The following CSMD1 variants were observed in gnomAD, a reference collection of about 807,000 sequenced individuals.
The protein encoded by CSMD1 is CUB and Sushi multiple domains 1.
CSMD1 carries 213 observed loss-of-function variants against 417.5 expected under a neutral mutation model. That is an observed-to-expected ratio of 0.51 (90% confidence interval 0.46 to 0.57). The LOEUF (loss-of-function observed/expected upper bound fraction) is 0.57. Ranked by LOEUF, CSMD1 falls within the 20% of genes least tolerant of loss-of-function variation. The pLI, the probability that CSMD1 is intolerant of heterozygous loss-of-function variation, is 0.00. For synonymous variants in CSMD1, 2,862 were observed against 1,736.8 expected (o/e 1.65, Z -16.11); for missense variants, 6,923 against 4,529.7 (o/e 1.53, Z -15.17).
intron 5 of CSMD1, among the ~76,000 whole-genome samples, chr8:3,926,053 T>TACACACACACACACACAAACACAATACAC (rs1563218050): frequency 1.1e-5 from 1 of 87,820 alleles, no homozygotes; most frequent in East Asian, 6.1e-4. Context: ...AAACACCATA[T>TACACACACACACACACAAACACAATACAC]ACACACACAC....
intron 23 of CSMD1, among the ~76,000 whole-genome samples, chr8:3,322,597 T>A (rs1275227641): frequency 6.6e-6 from 1 of 152,192 alleles, no homozygotes; most frequent in Non-Finnish European, 1.5e-5. Context: ...CCAGAATGTA[T>A]AATGCACCAG....
chr8:4,971,134 C>G (rs1362250895), intron 1 of CSMD1, among the ~76,000 whole-genome samples: 3 of 151,744 alleles, frequency 2.0e-5, no homozygotes, highest in African/African-American at 7.3e-5. Context: ...CAATCTGAAC[C>G]CTGGGGTCCC....
intron 3 of CSMD1, among the ~76,000 whole-genome samples, chr8:4,398,416 A>G (rs1370518674): frequency 4.7e-5 from 5 of 107,222 alleles, no homozygotes; most frequent in African/African-American, 1.1e-4. Context: ...TTTGTGAGAT[A>G]GAGTCTCACT....
chr8:4,517,405 G>T lies in CSMD1; in HGVS notation c.303-97340C>A, dbSNP rs572598428. On this transcript the variant is annotated intron_variant, in intron 2 of 69. Coordinates refer to ENST00000635120, the MANE Select transcript of CSMD1 (RefSeq NM_033225.6). ...AATCTCCCAGACCACTGGCTTCCTC[G>T]CCTATAACACGCAGATAATAAAGAA... is the stretch of plus-strand genomic sequence containing the variant. Among the ~76,000 whole-genome samples the T allele has an allele frequency of 1.2e-4, 18 of 152,186 alleles. No individual in the cohort carries two copies. In the South Asian group the frequency reaches 3.3e-3, roughly 28 times the overall value.
At chr8:3,675,806 T>G (rs553070734) in intron 7 of CSMD1, among the ~76,000 whole-genome samples, 1 of 152,336 alleles carries the variant, frequency 6.6e-6, no homozygotes, top group Non-Finnish European at 1.5e-5. Context: ...GATATTTTGT[T>G]ATAGCAGCCA....
chr8:3,139,264 A>C (rs532370581), intron 41 of CSMD1, among the ~76,000 whole-genome samples: 22 of 152,308 alleles, frequency 1.4e-4, no homozygotes, highest in Non-Finnish European at 2.1e-4. Flanking sequence ...AGGAGTTTGA[A>C]TCACGGAAAG....
At chr8:3,310,076 C>G (rs989990552) in intron 23 of CSMD1, among the ~76,000 whole-genome samples, 2 of 152,112 alleles carry the variant, frequency 1.3e-5, no homozygotes, top group East Asian at 3.8e-4. Context: ...TGGTGCAAAA[C>G]AAAGGGATAT....
chr8:3,016,803 C>T (rs1230926382), intron 52 of CSMD1, among the ~76,000 whole-genome samples: 1 of 152,166 alleles, frequency 6.6e-6, no homozygotes, highest in Non-Finnish European at 1.5e-5. Flanking sequence ...AGTGAATCAT[C>T]TTTCAAAAGC....
chr8:4,763,948 C>G (rs1812281078), intron 1 of CSMD1, among the ~76,000 whole-genome samples: 1 of 152,114 alleles, frequency 6.6e-6, no homozygotes, highest in Admixed American at 6.5e-5. Flanking sequence ...ATTCCTTATG[C>G]CACTTATGAC....
intron 23 of CSMD1, among the ~76,000 whole-genome samples, chr8:3,328,887 A>C (rs186312012): frequency 2.0e-5 from 3 of 152,360 alleles, no homozygotes; most frequent in African/African-American, 7.2e-5. Flanking sequence ...TCTTAAGGTC[A>C]TTATATCATT....
chr8:4,152,841 T>C (rs949743361), intron 3 of CSMD1, among the ~76,000 whole-genome samples: 1 of 152,186 alleles, frequency 6.6e-6, no homozygotes, highest in Admixed American at 6.5e-5. Flanking sequence ...AATGTATGTA[T>C]GTGCATGTGT....
chr8:4,164,206 A>AG (rs75560156), intron 3 of CSMD1, among the ~76,000 whole-genome samples: 59,021 of 151,882 alleles, frequency 0.39, 11,705 homozygotes, highest in Middle Eastern at 0.5. Context: ...GGAAGAAAAA[A>AG]AAATGACAAA....
At chr8:3,440,122 T>G (rs1814876240) in intron 12 of CSMD1, among the ~76,000 whole-genome samples, 1 of 152,244 alleles carries the variant, frequency 6.6e-6, no homozygotes. Context: ...TCAAAATTAC[T>G]TTAGCTATTC....
At chr8:4,115,195 T>G (rs1802068894) in intron 3 of CSMD1, among the ~76,000 whole-genome samples, 1 of 152,240 alleles carries the variant, frequency 6.6e-6, no homozygotes, top group African/African-American at 2.4e-5. Flanking sequence ...CTTCAGCAAC[T>G]ACCATCTTGG....
At chr8:3,813,997 C>G (rs906536128) in intron 5 of CSMD1, among the ~76,000 whole-genome samples, 3 of 152,066 alleles carry the variant, frequency 2.0e-5, no homozygotes, top group Admixed American at 2.0e-4. Flanking sequence ...AAAGGAGAAC[C>G]GTTCAACAGA....
At position 4,632,542 on chromosome 8, in the gene CSMD1, G is replaced by C. The variant is rs191195899; in HGVS notation, c.302+4800C>G. On this transcript the variant is annotated intron_variant, in intron 2 of 69. Transcript: ENST00000635120. ...GTAGGGGGAGCAGGGAAAAACTCAA[G>C]ACGTTGGTAATCACAGGAGAAGACA... Among the ~76,000 whole-genome samples the C allele has an allele frequency of 1.1e-4, 17 of 152,120 alleles. 2 individuals carry two copies. The highest frequency in any genetic ancestry group is 9.8e-4 in the Admixed American group (15 of 15,286).
At chr8:4,020,877 T>C (rs1405579126) in intron 4 of CSMD1, among the ~76,000 whole-genome samples, 2 of 152,222 alleles carry the variant, frequency 1.3e-5, no homozygotes, top group Non-Finnish European at 2.9e-5. Flanking sequence ...GACCCTATTT[T>C]TGGTCCTACT....
In CSMD1 at chr8:3,982,036, T is replaced by C. The variant is rs530186498; in HGVS notation, c.818+15867A>G. ...AATACAAAAAATTAGCCTGGCGCGG[T>C]GACGGTCGCCTGTAATCCCAGCTAC... On this transcript the variant is annotated intron_variant, in intron 5 of 69. Transcript: ENST00000635120. Among the ~76,000 whole-genome samples, 3 of 151,896 alleles carry C rather than the reference T, an allele frequency of 2.0e-5. No individual in the cohort carries two copies. The South Asian group carries it at 6.2e-4, about 32-fold the overall frequency.
intron 3 of CSMD1, among the ~76,000 whole-genome samples, chr8:4,118,097 TTG>T (rs2130932328): frequency 6.6e-6 from 1 of 152,162 alleles, no homozygotes; most frequent in East Asian, 1.9e-4. Flanking sequence ...ATTATAAGGC[TTG>T]TGTGTTTGCA....
Sources: allele counts gnomAD v4.1 joint callset (sites outside exome capture counted in the v4.1 genomes callset), GRCh38; gene constraint gnomAD v4.1.1; transcripts MANE v1.5; gene names NCBI Gene and HGNC (gene_info 2026-07-23, HGNC 2026-07-21).